Variants in JADE2 observed in about 807,000 individuals in gnomAD.
JADE2 encodes E3 ubiquitin-protein ligase Jade-2.
Under a neutral mutation model 85.7 loss-of-function variants are expected in JADE2, and 13 were observed. The ratio of observed to expected loss-of-function variants is 0.15; its 90% CI spans 0.10 to 0.24. The LOEUF (loss-of-function observed/expected upper bound fraction) is 0.24, where lower values mean the gene tolerates loss of function less well. JADE2 is among the 10% of genes least tolerant of loss of function. The probability of loss-of-function intolerance (pLI) is 1.00; values close to 1 mark genes in which losing one functional copy is unlikely to be tolerated. For synonymous variants in JADE2, 440 were observed against 456.1 expected, an observed-to-expected ratio of 0.96 and a Z score of 0.45; for missense variants, 846 against 1,115.9, an observed-to-expected ratio of 0.76 and a Z score of 3.45.
At position 134,579,445 on chromosome 5, in the gene JADE2, A is replaced by G; in HGVS notation, c.*128A>G. On this transcript the variant is annotated 3_prime_UTR_variant, in exon 12 of 12. Coordinates refer to ENST00000681547, the MANE Select transcript of JADE2 (RefSeq NM_001388185.1). The surrounding 1 kb of genome is among the most constrained non-coding windows in gnomAD (Gnocchi z 4.6). ...GAGGCTGCCACTCCGTCGTGGTTTT[A>G]TTTTTAATATAGAGAGAGTTTTGAA... 2.9e-6 allele frequency: 2 copies of G among 678,806 alleles called. No homozygotes were observed. Among genetic ancestry groups the G allele is most frequent in the Non-Finnish European group, 4.9e-6 (2 of 409,784 alleles). The allele number at this position is 678,806 out of a possible 1,614,324, so 42.0% of individuals were successfully genotyped here. A position where few individuals can be genotyped will look rare whatever the true frequency, so the allele number is the denominator to read the frequency against.
chr5:134,552,004 T>G (rs777121099), intron 3 of JADE2, 48 bp from the exon 4 acceptor site: 1 of 1,601,538 alleles, frequency 6.2e-7, no homozygotes, highest in African/African-American at 1.4e-5. Context: ...TGGGGCAGAC[T>G]GCCCTGAGGC....
At chr5:134,576,986 A>G (rs1764409245) in intron 11 of JADE2, 90 bp downstream of exon 11, 2 of 1,428,380 alleles carry the variant, frequency 1.4e-6, no homozygotes, top group Admixed American at 5.1e-5. Flanking sequence ...GGCCAGCTGC[A>G]CAGAGTAGGA....
chr5:134,551,320 C>T (rs1003131199), intron 3 of JADE2, among the ~76,000 whole-genome samples: 2 of 152,112 alleles, frequency 1.3e-5, no homozygotes, highest in Admixed American at 6.5e-5. Context: ...GGTTAACCTC[C>T]TGGGCTCAAG....
At position 134,578,796 on chromosome 5, in the gene JADE2, CG is replaced by C; in HGVS notation, c.1986del (p.Thr663ArgfsTer49). 1 of 1,613,770 alleles carries C rather than the reference CG, an allele frequency of 6.2e-7. No homozygotes were observed. The highest frequency in any genetic ancestry group is 8.5e-7 in the Non-Finnish European group (1 of 1,180,002). On this transcript the variant is annotated frameshift_variant, in exon 12 of 12. Coordinates refer to ENST00000681547, the MANE Select transcript of JADE2 (RefSeq NM_001388185.1). LOFTEE classifies it high-confidence loss of function. This position sits in a 1 kb window ranked among gnomAD's most constrained non-coding sequence, Gnocchi z 4.4. ...ACCACCGCAGGACGGGCCTGGTTCA[CG>C]GACGACTCCAGACAAAGCCCCCAAG... The part of the protein sequence containing the change: ...PPPPQDGPGS[R>X]TTPDKAPKKT...
At chr5:134,527,520 C>T (rs375580012) in intron 1 of JADE2, among the ~76,000 whole-genome samples, 7 of 152,090 alleles carry the variant, frequency 4.6e-5, no homozygotes, top group African/African-American at 9.6e-5. Flanking sequence ...CTGCCCTTCC[C>T]GGTGTCTCTT....
At chr5:134,561,503 CA>C (rs1233561122) in intron 6 of JADE2, among the ~76,000 whole-genome samples, 3 of 152,092 alleles carry the variant, frequency 2.0e-5, no homozygotes, top group Non-Finnish European at 4.4e-5. Context: ...TGTGCCAGTG[CA>C]GCCTGGCCAG....
At chr5:134,551,130 G>C (rs1258161897) in intron 3 of JADE2, among the ~76,000 whole-genome samples, 1 of 152,196 alleles carries the variant, frequency 6.6e-6, no homozygotes, top group Non-Finnish European at 1.5e-5. Flanking sequence ...ACCTCCACTT[G>C]TGTCTGGGGG....
intron 3 of JADE2, among the ~76,000 whole-genome samples, chr5:134,544,013 G>A (rs754383494): frequency 3.3e-5 from 5 of 152,228 alleles, no homozygotes; most frequent in Non-Finnish European, 7.3e-5. Context: ...GAGGCCAGCC[G>A]CATGTTTTGG....
At chr5:134,545,204 C>T (rs1484544498) in intron 3 of JADE2, among the ~76,000 whole-genome samples, 1 of 152,158 alleles carries the variant, frequency 6.6e-6, no homozygotes, top group Non-Finnish European at 1.5e-5. Flanking sequence ...AGGCTAAGTG[C>T]CTGCTTTCTG....
At position 134,579,152 on chromosome 5, in the gene JADE2, T is replaced by C. The variant is rs562676636; in HGVS notation, c.2340T>C (p.Ala780=). The C allele has an allele frequency of 1.9e-6, 3 of 1,614,230 alleles. No homozygotes were observed. The highest frequency in any genetic ancestry group is 2.7e-5 in the African/African-American group (2 of 75,074). The change falls in exon 12 of 12, where the codon GCT becomes GCC. Residue 780 remains alanine, a synonymous_variant. Transcript: ENST00000681547. The surrounding 1 kb of genome is among the most constrained non-coding windows in gnomAD (Gnocchi z 4.6). ...DAGMGPPSAV[A]ERPKVSLHFD... ...GGATGGGACCACCTTCAGCTGTGGC[T>C]GAGAGGCCCAAGGTCAGCCTGCATT...
chr5:134,534,998 G>A (rs1018703274), intron 1 of JADE2, among the ~76,000 whole-genome samples: 1 of 152,206 alleles, frequency 6.6e-6, no homozygotes, highest in Admixed American at 6.5e-5. Context: ...TGCGCCTGGG[G>A]ATCAGACCTC....
chr5:134,539,479 G>A (rs571891742), intron 3 of JADE2, among the ~76,000 whole-genome samples: 2 of 151,330 alleles, frequency 1.3e-5, no homozygotes, highest in South Asian at 2.1e-4. Flanking sequence ...GATTACAGGC[G>A]TGAGCCACCG....
chr5:134,579,290 G>A lies in JADE2; in HGVS notation c.2478G>A (p.Val826=), dbSNP rs1331089710. The A allele has an allele frequency of 6.2e-7, 1 of 1,610,804 alleles. No homozygotes were observed. Among genetic ancestry groups the A allele is most frequent in the East Asian group, 2.2e-5 (1 of 44,850 alleles). The change falls in exon 12 of 12, where the codon GTG becomes GTA. Residue 826 remains valine, a synonymous_variant. Transcript: ENST00000681547. The surrounding 1 kb of genome is among the most constrained non-coding windows in gnomAD (Gnocchi z 4.6). ...CCCGGGAGGCAGGGGCAGAGGAGGT[G>A]GTCCGCATGGGCGTACTGGCCTCCT... ...RGPREAGAEE[V]VRMGVLAS
chr5:134,562,185 C>G lies in JADE2; in HGVS notation c.685-15C>G, dbSNP rs753525400. 2.5e-6 allele frequency: 4 copies of G among 1,596,388 alleles called. No homozygotes were observed. The highest frequency in any genetic ancestry group is 2.6e-6 in the Non-Finnish European group (3 of 1,170,494). On this transcript the variant is annotated splice_polypyrimidine_tract_variant and intron_variant, in intron 6 of 11. Coordinates refer to ENST00000681547, the MANE Select transcript of JADE2 (RefSeq NM_001388185.1). This position sits in a 1 kb window ranked among gnomAD's most constrained non-coding sequence, Gnocchi z 4.6. ...GCCAGTTCCGCTGACTCATGACCAC[C>G]CTGCTCTCTCCTAGGCATGCTACGG... is the stretch of plus-strand genomic sequence containing the variant.
At chr5:134,555,253 G>C (rs142087933) in intron 4 of JADE2, among the ~76,000 whole-genome samples, 1 of 151,722 alleles carries the variant, frequency 6.6e-6, no homozygotes, top group Non-Finnish European at 1.5e-5. Flanking sequence ...ATTGAGTGAG[G>C]GCCTGTCCTG....
chr5:134,555,950 T>G (rs1762887569), intron 4 of JADE2, among the ~76,000 whole-genome samples: 1 of 152,112 alleles, frequency 6.6e-6, no homozygotes, highest in Non-Finnish European at 1.5e-5. Flanking sequence ...CCCCTCGACC[T>G]TATATAGGCC....
At chr5:134,558,705 A>G (rs1295478623) in intron 4 of JADE2, among the ~76,000 whole-genome samples, 1 of 152,062 alleles carries the variant, frequency 6.6e-6, no homozygotes, top group African/African-American at 2.4e-5. Flanking sequence ...CGCCTGGGTA[A>G]TTTTGTATTT....
At chr5:134,577,487 C>G (rs553899106) in intron 11 of JADE2, among the ~76,000 whole-genome samples, 2 of 152,194 alleles carry the variant, frequency 1.3e-5, no homozygotes, top group Non-Finnish European at 2.9e-5. Flanking sequence ...CAGACCTTGC[C>G]TCTGGGATGG....
chr5:134,533,623 C>T, intron 1 of JADE2: 3 of 975,418 alleles, frequency 3.1e-6, no homozygotes, highest in Non-Finnish European at 2.4e-6. Context: ...CCCCCCACTC[C>T]ACCCACCGAT....
Sources: allele counts gnomAD v4.1 joint callset (sites outside exome capture counted in the v4.1 genomes callset), GRCh38; gene constraint gnomAD v4.1.1; non-coding constraint Gnocchi (gnomAD v3.1); transcripts MANE v1.5; gene names NCBI Gene and HGNC (gene_info 2026-07-23, HGNC 2026-07-21).